Variants in PTPRR observed in about 807,000 individuals in gnomAD.
PTPRR encodes protein tyrosine phosphatase receptor type R, also known as receptor-type tyrosine-protein phosphatase R.
In PTPRR, 38 loss-of-function variants were observed where a neutral mutation model predicts 77.2. The observed-to-expected ratio is 0.49, with a 90% CI of 0.38 to 0.65. PTPRR has a LOEUF of 0.65. Ranked by LOEUF, PTPRR falls within the 30% of genes least tolerant of loss-of-function variation. The pLI is 0.00. For missense variants in PTPRR, 744 were observed against 799.2 expected, an observed-to-expected ratio of 0.93 and a Z score of 0.83; for synonymous variants, 299 against 283.1, an observed-to-expected ratio of 1.06 and a Z score of -0.57.
chr12:70,816,261 T>C (rs1891900753), intron 2 of PTPRR, among the ~76,000 whole-genome samples: 1 of 152,008 alleles, frequency 6.6e-6, no homozygotes, highest in Non-Finnish European at 1.5e-5. Context: ...CCCAGGAAAA[T>C]GATCCTTACC....
chr12:70,777,235 A>G (rs921726232), intron 2 of PTPRR, among the ~76,000 whole-genome samples: 4 of 151,848 alleles, frequency 2.6e-5, no homozygotes, highest in African/African-American at 9.7e-5. Flanking sequence ...AGTTTATTCC[A>G]TTCACTTCTG....
intron 10 of PTPRR, among the ~76,000 whole-genome samples, chr12:70,671,374 A>G (rs1887216228): frequency 6.6e-6 from 1 of 152,150 alleles, no homozygotes; most frequent in African/African-American, 2.4e-5. Flanking sequence ...GGCTGTAGGG[A>G]AAAAAAGCAC....
chr12:70,833,459 A>G (rs1892250078), intron 2 of PTPRR, among the ~76,000 whole-genome samples: 2 of 152,126 alleles, frequency 1.3e-5, no homozygotes, highest in South Asian at 4.1e-4. Context: ...AAGTTGCTGG[A>G]AGACATCAGT....
chr12:70,911,152 A>G (rs1178483582), intron 1 of PTPRR, among the ~76,000 whole-genome samples: 2 of 152,124 alleles, frequency 1.3e-5, no homozygotes, highest in East Asian at 1.9e-4. Context: ...CCCTCCTTCT[A>G]TCCCTTTACA....
chr12:70,836,745 C>T (rs1174963045), intron 2 of PTPRR, among the ~76,000 whole-genome samples: 7 of 151,906 alleles, frequency 4.6e-5, no homozygotes, highest in Non-Finnish European at 7.4e-5. Flanking sequence ...CTCTTATTCA[C>T]CCTTCAGATT....
intron 1 of PTPRR, among the ~76,000 whole-genome samples, chr12:70,917,597 C>CA (rs1378663592): frequency 6.6e-6 from 1 of 152,150 alleles, no homozygotes; most frequent in Admixed American, 6.6e-5. Flanking sequence ...ACTTACACAG[C>CA]ATGGTACCCA....
chr12:70,850,804 T>G (rs1331666205), intron 2 of PTPRR, among the ~76,000 whole-genome samples: 1 of 152,192 alleles, frequency 6.6e-6, no homozygotes, highest in African/African-American at 2.4e-5. Flanking sequence ...GCAAGTTCCT[T>G]TTCTTCTTCA....
chr12:70,731,618 T>C (rs185250853), intron 6 of PTPRR, among the ~76,000 whole-genome samples: 13 of 152,312 alleles, frequency 8.5e-5, no homozygotes, highest in Middle Eastern at 6.8e-3. Flanking sequence ...ATTGGCCACA[T>C]AGGGTGGTTG....
rs1359940974 is a variant in PTPRR, at chr12:70,816,637, T to C, written c.358-51859A>G. Among the ~76,000 whole-genome samples, 9 of 152,100 alleles carry C rather than the reference T, an allele frequency of 5.9e-5. No homozygotes were observed. In the South Asian group the frequency reaches 6.2e-4, roughly 11 times the overall value. On this transcript the variant is annotated intron_variant, in intron 2 of 13. Transcript: ENST00000283228. The stretch of plus-strand genomic sequence containing the variant: ...CACATATGCATTAGAGATATAAAAT[T>C]TTTTTTAAACATATGTGGTGTGTGA...
At chr12:70,697,045 T>C (rs1318594315) in intron 8 of PTPRR, among the ~76,000 whole-genome samples, 1 of 152,188 alleles carries the variant, frequency 6.6e-6, no homozygotes, top group African/African-American at 2.4e-5. Flanking sequence ...ATAAATATTT[T>C]TGTATCATTT....
chr12:70,764,556 G>A (rs537129573), intron 3 of PTPRR, 109 bp downstream of exon 3: 29 of 833,618 alleles, frequency 3.5e-5, no homozygotes, highest in Middle Eastern at 2.3e-4. Flanking sequence ...AAAACATGAC[G>A]TGCCGGATTT....
chr12:70,890,906 T>C (rs1227199309), intron 2 of PTPRR, among the ~76,000 whole-genome samples: 1 of 152,122 alleles, frequency 6.6e-6, no homozygotes, highest in Non-Finnish European at 1.5e-5. Context: ...TTTAATTGCA[T>C]CACCCCTTTG....
chr12:70,882,776 C>T (rs987924657), intron 2 of PTPRR, among the ~76,000 whole-genome samples: 3 of 152,144 alleles, frequency 2.0e-5, no homozygotes, highest in Non-Finnish European at 2.9e-5. Context: ...TCATCTATTC[C>T]GCTACTGGTT....
intron 2 of PTPRR, among the ~76,000 whole-genome samples, chr12:70,814,480 T>C (rs1891864922): frequency 1.3e-5 from 2 of 152,188 alleles, no homozygotes; most frequent in African/African-American, 4.8e-5. Flanking sequence ...AATTTCCCAC[T>C]CCCAGATTGA....
chr12:70,657,541 A>C lies in PTPRR; in HGVS notation c.1767-724T>G, dbSNP rs1220900194. On this transcript the variant is annotated intron_variant, in intron 12 of 13. Coordinates refer to ENST00000283228, the MANE Select transcript of PTPRR (RefSeq NM_002849.4). Reference sequence around the variant, plus strand: ...TCTGTCTCTGTCTGCAGTTTTAACCACTAACAGTCTCTATGTAAAAGATTC... The same window carrying C: ...TCTGTCTCTGTCTGCAGTTTTAACCCCTAACAGTCTCTATGTAAAAGATTC... Among the ~76,000 whole-genome samples the C allele has an allele frequency of 2.0e-5, 3 of 152,182 alleles. No homozygotes were observed. The East Asian group carries it at 5.8e-4, about 29-fold the overall frequency.
intron 6 of PTPRR, among the ~76,000 whole-genome samples, chr12:70,735,462 A>G (rs146606098): frequency 0.034 from 5,206 of 152,216 alleles, 320 homozygotes; most frequent in African/African-American, 0.12. Flanking sequence ...CTTATTCACT[A>G]TCATGAGAAC....
chr12:70,841,999 T>C (rs961103474), intron 2 of PTPRR, among the ~76,000 whole-genome samples: 1 of 152,180 alleles, frequency 6.6e-6, no homozygotes, highest in Non-Finnish European at 1.5e-5. Flanking sequence ...CAAATTTAAT[T>C]TTACAAAAGA....
At chr12:70,763,249 C>A (rs769318383) in intron 3 of PTPRR, among the ~76,000 whole-genome samples, 15 of 152,036 alleles carry the variant, frequency 9.9e-5, no homozygotes, top group Non-Finnish European at 1.5e-4. Flanking sequence ...CTGCCTCAGC[C>A]TCCTGAGTAG....
chr12:70,897,481 C>T lies in PTPRR; in HGVS notation c.59-4504G>A, dbSNP rs529569757. ...TACCATCTCACACCAGTTAGAATGG[C>T]AATCATTAAAAAGTCAGGAAACAAC... On this transcript the variant is annotated intron_variant, in intron 1 of 13. Transcript: ENST00000283228. Among the ~76,000 whole-genome samples, 267 of 151,688 alleles carry T rather than the reference C, an allele frequency of 1.8e-3. 1 individual carries two copies. Among genetic ancestry groups the T allele is most frequent in the African/African-American group, 6.3e-3 (259 of 41,412 alleles).
Sources: gnomAD v4.1 joint callset for allele counts (sites outside exome capture counted in the v4.1 genomes callset) on GRCh38, gnomAD v4.1.1 for gene constraint, MANE v1.5 for transcripts, NCBI Gene and HGNC (gene_info 2026-07-23, HGNC 2026-07-21) for gene names.